The following LIMCH1 variants were observed in gnomAD, a reference collection of about 807,000 sequenced individuals.
LIMCH1 encodes LIM and calponin homology domains-containing protein 1.
In LIMCH1, 113 loss-of-function variants were observed where a neutral mutation model predicts 176.5. That is an observed-to-expected ratio of 0.64 (90% CI 0.55 to 0.75). The LOEUF is 0.75. Ranked by LOEUF, LIMCH1 falls within the 30% of genes least tolerant of loss-of-function variation. LIMCH1 has a pLI of 0.00. For synonymous variants in LIMCH1, 619 were observed against 645.9 expected (o/e 0.96, Z 0.63); for missense variants, 1,674 against 1,814.9 (o/e 0.92, Z 1.41).
At chr4:41,383,993 A>G (rs2056105026) in intron 1 of LIMCH1, among the ~76,000 whole-genome samples, 1 of 152,224 alleles carries the variant, frequency 6.6e-6, no homozygotes. Context: ...GGAATTTTCA[A>G]GAAGGAAGGG....
intron 22 of LIMCH1, 84 bp downstream of exon 22, chr4:41,671,678 G>A: frequency 1.8e-6 from 2 of 1,104,036 alleles, no homozygotes; most frequent in East Asian, 2.4e-5. Flanking sequence ...GAGTATTCAG[G>A]CCGGGTGCAG....
chr4:41,497,691 G>C (rs1054108223), intron 2 of LIMCH1, among the ~76,000 whole-genome samples: 1 of 151,950 alleles, frequency 6.6e-6, no homozygotes, highest in African/African-American at 2.4e-5. Context: ...TGTAATCCCA[G>C]CTACTCGGGA....
intron 13 of LIMCH1, among the ~76,000 whole-genome samples, chr4:41,638,354 G>A (rs958987285): frequency 2.0e-5 from 3 of 152,200 alleles, no homozygotes; most frequent in African/African-American, 7.2e-5. Context: ...AGTTTTCTAG[G>A]AATTGTGGTT....
chr4:41,359,913 TC>T (rs573576854), upstream of LIMCH1: 164 of 152,278 alleles, frequency 1.1e-3, no homozygotes, highest in African/African-American at 3.7e-3. Flanking sequence ...GCCACAATTA[TC>T]TTCTTTTGAT....
chr4:41,613,421 A>G (rs780189979), intron 4 of LIMCH1, 45 bp from the exon 5 acceptor site: 2 of 1,533,896 alleles, frequency 1.3e-6, no homozygotes, highest in African/African-American at 1.4e-5. Flanking sequence ...CTGATAGTGT[A>G]GGCTAGAATT....
At chr4:41,568,739 ATAG>A (rs1234073413) in intron 1 of LIMCH1, among the ~76,000 whole-genome samples, 1 of 152,236 alleles carries the variant, frequency 6.6e-6, no homozygotes, top group Non-Finnish European at 1.5e-5. Context: ...GTTACTATGA[ATAG>A]TAAATAACCA....
At chr4:41,552,330 G>C (rs2080570693) in intron 1 of LIMCH1, among the ~76,000 whole-genome samples, 4 of 152,120 alleles carry the variant, frequency 2.6e-5, no homozygotes, top group Admixed American at 2.6e-4. Context: ...TTCTCTTGTA[G>C]ACAGGGCCCT....
chr4:41,669,039 A>G lies in LIMCH1; in HGVS notation c.3397+2373A>G, dbSNP rs573172906. Among the ~76,000 whole-genome samples the G allele has an allele frequency of 2.0e-5, 3 of 152,306 alleles. No individual in the cohort carries two copies. In the East Asian group the frequency reaches 5.8e-4, roughly 29 times the overall value. On this transcript the variant is annotated intron_variant, in intron 21 of 31. Transcript: ENST00000503057. Reference sequence around the variant, plus strand: ...TTTGATTCAAGATTTGGGAGGGGACATAGCCAAACCGTATGAATACTTTCA... The same window carrying G: ...TTTGATTCAAGATTTGGGAGGGGACGTAGCCAAACCGTATGAATACTTTCA...
In LIMCH1 at chr4:41,646,721, A is replaced by G. The variant is rs1269328317; in HGVS notation, c.2648A>G (p.Lys883Arg). The change falls in exon 17 of 32, where the codon AAA becomes AGA. Residue 883 changes from lysine to arginine, a missense_variant. Transcript: ENST00000503057. ...CGGCAACAGTCACTGCCTCCACCCA[A>G]ATTCACTGCCACTGTTGAAACCACC... Reference protein sequence around the residue: ...YLRQQSLPPPKFTATVETTIA... With the variant: ...YLRQQSLPPPRFTATVETTIA... The G allele has an allele frequency of 1.2e-6, 2 of 1,613,998 alleles. No individual in the cohort carries two copies. Among genetic ancestry groups the G allele is most frequent in the Non-Finnish European group, 1.7e-6 (2 of 1,180,026 alleles).
At position 41,360,792 on chromosome 4, in the gene LIMCH1, G is replaced by C. The variant is rs1580975780; in HGVS notation, c.-49G>C. On this transcript the variant is annotated 5_prime_UTR_variant, in exon 1 of 27. Coordinates refer to the LIMCH1 transcript ENST00000313860. This position sits in a 1 kb window ranked among gnomAD's most constrained non-coding sequence, Gnocchi z 4.5. ...GGAGCGCGCTCCTGCGGCGGCGACG[G>C]CGGCGGCCGTCCTCATCCCGGCGCT... 1 of 1,414,216 alleles carries C rather than the reference G, an allele frequency of 7.1e-7. No homozygotes were observed. The allele number at this position is 1,414,216 out of a possible 1,614,324, so 87.6% of individuals were successfully genotyped here.
rs1005624985 is a variant in LIMCH1 at position 41,671,590 on chromosome 4, C to T, written c.3434C>T (p.Thr1145Ile). 3.2e-6 allele frequency: 5 copies of T among 1,582,688 alleles called. No homozygotes were observed. In the African/African-American group the frequency reaches 6.8e-5, roughly 21 times the overall value. The change falls in exon 22 of 32, where the codon ACA becomes ATA. Residue 1145 changes from threonine to isoleucine, a missense_variant. Transcript: ENST00000503057. ...SPSSEKSPVM[T>I]PFKFWAWDPE... ...AGCAGTGAGAAGTCACCTGTTATGA[C>T]ACCTGTAAGTCACTCATTTTAAGGA...
At chr4:41,413,017 C>T (rs1418517809) in intron 1 of LIMCH1, among the ~76,000 whole-genome samples, 1 of 152,128 alleles carries the variant, frequency 6.6e-6, no homozygotes, top group Admixed American at 6.5e-5. Flanking sequence ...ATAAGCTTAT[C>T]TACCACCTTT....
chr4:41,362,675 G>A lies in LIMCH1; in HGVS notation c.96+1739G>A, dbSNP rs1187498084. Among the ~76,000 whole-genome samples, 6 of 152,126 alleles carry A rather than the reference G, an allele frequency of 3.9e-5. 1 individual carries two copies. Among genetic ancestry groups the A allele is most frequent in the Admixed American group, 3.9e-4 (6 of 15,280 alleles). On this transcript the variant is annotated intron_variant, in intron 1 of 26. Transcript: ENST00000313860. ...ACATGTAAAAGTGCACAAATCTGAA[G>A]TGTACACCTCCATGAATTTTGACAT... is the stretch of plus-strand genomic sequence containing the variant.
At chr4:41,481,367 T>A (rs2068590488) in intron 1 of LIMCH1, among the ~76,000 whole-genome samples, 3 of 152,234 alleles carry the variant, frequency 2.0e-5, no homozygotes, top group African/African-American at 7.2e-5. Context: ...AAAGGAGAAC[T>A]GAGTCTGGAC....
intron 1 of LIMCH1, among the ~76,000 whole-genome samples, chr4:41,559,912 C>T (rs990184392): frequency 6.6e-6 from 1 of 152,116 alleles, no homozygotes; most frequent in Non-Finnish European, 1.5e-5. Context: ...AAACCACTGT[C>T]TACATGCTAA....
In LIMCH1 at chr4:41,598,496, A is replaced by G. The variant is rs75292745; in HGVS notation, c.-240-424A>G. On this transcript the variant is annotated intron_variant, in intron 1 of 31. Coordinates refer to ENST00000503057, the MANE Select transcript of LIMCH1 (RefSeq NM_001330672.2). ...AATATATTTTAGAAGATCAATTAAGAAGAAAAACTTGCTAAAGATGAAAAA... is the reference window on the plus strand; with the variant it reads ...AATATATTTTAGAAGATCAATTAAGGAGAAAAACTTGCTAAAGATGAAAAA... Among the ~76,000 whole-genome samples, 378 of 152,256 alleles carry G rather than the reference A, an allele frequency of 2.5e-3. 1 individual carries two copies. Among genetic ancestry groups the G allele is most frequent in the Non-Finnish European group, 4.4e-3 (300 of 68,022 alleles).
intron 1 of LIMCH1, among the ~76,000 whole-genome samples, chr4:41,593,382 C>T (rs993086090): frequency 2.6e-5 from 4 of 152,194 alleles, no homozygotes; most frequent in Admixed American, 2.0e-4. Context: ...TCATGTTATG[C>T]AGTACTTGCC....
chr4:41,402,922 C>A (rs2058606275), intron 1 of LIMCH1, among the ~76,000 whole-genome samples: 1 of 149,704 alleles, frequency 6.7e-6, no homozygotes, highest in South Asian at 2.1e-4. Context: ...CACATGTATA[C>A]ATATGTAACT....
chr4:41,605,666 G>T (rs115755576), intron 3 of LIMCH1, among the ~76,000 whole-genome samples: 2 of 152,102 alleles, frequency 1.3e-5, no homozygotes, highest in African/African-American at 2.4e-5. Flanking sequence ...TTTCCCTAAC[G>T]CTGGAGTCGT....
Sources: allele counts gnomAD v4.1 joint callset (sites outside exome capture counted in the v4.1 genomes callset), GRCh38; gene constraint gnomAD v4.1.1; non-coding constraint Gnocchi (gnomAD v3.1); transcripts MANE v1.5; gene names NCBI Gene and HGNC (gene_info 2026-07-23, HGNC 2026-07-21).